LRRC75A: variants seen among roughly 807,000 people sequenced by gnomAD.
The protein encoded by LRRC75A is leucine-rich repeat-containing protein 75A.
LRRC75A carries 12 observed loss-of-function variants against 26.0 expected under a neutral mutation model. The ratio of observed to expected loss-of-function variants is 0.46; its 90% CI spans 0.30 to 0.75. LRRC75A has a LOEUF of 0.75. LRRC75A is among the 30% of genes least tolerant of loss of function. The probability of loss-of-function intolerance (pLI) is 0.08; values close to 1 mark genes in which losing one functional copy is unlikely to be tolerated. For synonymous variants in LRRC75A, 223 were observed against 219.3 expected (o/e 1.02, Z -0.15); for missense variants, 410 against 486.6 (o/e 0.84, Z 1.48).
chr17:16,453,075 G>A (rs1214532493), intron 2 of LRRC75A, among the ~76,000 whole-genome samples: 1 of 152,098 alleles, frequency 6.6e-6, no homozygotes, highest in Non-Finnish European at 1.5e-5. Flanking sequence ...CGGATCACAA[G>A]GTCAGGAGTT....
At chr17:16,483,148 G>A (rs2093838499) in intron 1 of LRRC75A, among the ~76,000 whole-genome samples, 1 of 152,256 alleles carries the variant, frequency 6.6e-6, no homozygotes, top group African/African-American at 2.4e-5. Flanking sequence ...CATGTGGACA[G>A]CAGGTCCCAG....
intron 2 of LRRC75A, among the ~76,000 whole-genome samples, chr17:16,454,448 T>C (rs1568958201): frequency 6.7e-6 from 1 of 149,186 alleles, no homozygotes; most frequent in Admixed American, 6.7e-5. Context: ...TCCCAGCACT[T>C]TGGGAGGCAG....
chr17:16,456,310 GAGGAAGAGGAGAAGA>G lies in LRRC75A; in HGVS notation c.375+5933_375+5947del, dbSNP rs1386631661. 3.2e-4 allele frequency among the ~76,000 whole-genome samples: 38 copies of G among 119,252 alleles called. 1 individual carries two copies. Among genetic ancestry groups the G allele is most frequent in the South Asian group, 2.6e-4 (1 of 3,912 alleles). 78.2% of individuals were successfully genotyped at this position (119,252 alleles called of 152,430 possible). A position where few individuals can be genotyped will look rare whatever the true frequency, so the allele number is the denominator to read the frequency against. On this transcript the variant is annotated intron_variant, in intron 2 of 3. Transcript: ENST00000470794. ...GGAGGAAGAGAAGGAAGAGGAGGAG[GAGGAAGAGGAGAAGA>G]AGGAAGAGGAGGAGGAAGAGAAGGA...
intron 1 of LRRC75A, among the ~76,000 whole-genome samples, chr17:16,474,990 C>A (rs1181252955): frequency 9.1e-5 from 13 of 143,394 alleles, no homozygotes; most frequent in African/African-American, 3.6e-4. Context: ...TGCAAGACTC[C>A]GTCTCAAAAA....
chr17:16,474,171 T>G (rs200143525), intron 1 of LRRC75A, among the ~76,000 whole-genome samples: 2 of 151,870 alleles, frequency 1.3e-5, no homozygotes, highest in African/African-American at 4.8e-5. Context: ...TGGCTGACGG[T>G]GGGGGACAGA....
chr17:16,484,476 C>T (rs1177491931), intron 1 of LRRC75A, among the ~76,000 whole-genome samples: 1 of 152,124 alleles, frequency 6.6e-6, no homozygotes, highest in Non-Finnish European at 1.5e-5. Flanking sequence ...CTCTCCTGCC[C>T]AAGGCACGGC....
At chr17:16,470,165 G>C (rs1304024546) in intron 1 of LRRC75A, 1 of 151,996 alleles carries the variant, frequency 6.6e-6, no homozygotes, top group Non-Finnish European at 1.5e-5. Context: ...AAAGCTAGGG[G>C]AAGCCACAGA....
At chr17:16,479,891 AAGCCAC>A (rs1166334738) in intron 1 of LRRC75A, among the ~76,000 whole-genome samples, 1 of 152,226 alleles carries the variant, frequency 6.6e-6, no homozygotes, top group Non-Finnish European at 1.5e-5. Context: ...CCAAACCCCC[AAGCCAC>A]AGACCAGTAC....
intron 1 of LRRC75A, among the ~76,000 whole-genome samples, chr17:16,474,915 C>G (rs528051289): frequency 1.4e-4 from 21 of 151,440 alleles, no homozygotes; most frequent in African/African-American, 5.1e-4. Flanking sequence ...ATGGCGTGAA[C>G]CCAGGAGGCG....
intron 2 of LRRC75A, among the ~76,000 whole-genome samples, chr17:16,458,860 C>T (rs2093705971): frequency 6.6e-6 from 1 of 151,974 alleles, no homozygotes; most frequent in Non-Finnish European, 1.5e-5. Flanking sequence ...CTTAAGCGGC[C>T]CCTGCAAACC....
At chr17:16,471,842 A>T (rs2093807319) in intron 1 of LRRC75A, among the ~76,000 whole-genome samples, 1 of 152,236 alleles carries the variant, frequency 6.6e-6, no homozygotes, top group Non-Finnish European at 1.5e-5. Context: ...GTGAGGGACC[A>T]AGAGTATCTA....
chr17:16,484,501 T>C (rs538877450), intron 1 of LRRC75A, among the ~76,000 whole-genome samples: 2 of 152,052 alleles, frequency 1.3e-5, no homozygotes, highest in African/African-American at 4.8e-5. Flanking sequence ...ACTCAGACAA[T>C]CAAATCGAGC....
intron 1 of LRRC75A, among the ~76,000 whole-genome samples, chr17:16,486,607 ACT>A (rs2093847627): frequency 6.6e-6 from 1 of 152,020 alleles, no homozygotes; most frequent in Non-Finnish European, 1.5e-5. Flanking sequence ...TGGAGGCCAG[ACT>A]CTCCCATCAG....
At chr17:16,466,792 G>C (rs910749111) in intron 1 of LRRC75A, among the ~76,000 whole-genome samples, 1 of 152,204 alleles carries the variant, frequency 6.6e-6, no homozygotes, top group African/African-American at 2.4e-5. Context: ...TGATGGGCTT[G>C]GGAATAGGGG....
chr17:16,486,161 T>C (rs2093846734), intron 1 of LRRC75A, among the ~76,000 whole-genome samples: 1 of 152,028 alleles, frequency 6.6e-6, no homozygotes, highest in South Asian at 2.1e-4. Flanking sequence ...AAAGCACGCA[T>C]GGCAATGAAA....
In LRRC75A at chr17:16,492,140, G is replaced by GGGCC; in HGVS notation, c.-151_-150insGGCC. The GGGCC allele has an allele frequency of 1.7e-6, 1 of 600,806 alleles. No homozygotes were observed. Among genetic ancestry groups the GGGCC allele is most frequent in the South Asian group, 7.3e-5 (1 of 13,628 alleles). 37.2% of individuals were successfully genotyped at this position (600,806 alleles called of 1,614,324 possible). A position where few individuals can be genotyped will look rare whatever the true frequency, so the allele number is the denominator to read the frequency against. ...GCGGGCGTCGCGGGGGCGGGCGGGC[G>GGGCC]GGCGGCTGTCGGCGCTCCCCGCGCT... On this transcript the variant is annotated 5_prime_UTR_variant, in exon 1 of 4. Coordinates refer to ENST00000470794, the MANE Select transcript of LRRC75A (RefSeq NM_001113567.3).
intron 1 of LRRC75A, among the ~76,000 whole-genome samples, chr17:16,488,738 A>G (rs767556144): frequency 2.2e-4 from 33 of 152,226 alleles, no homozygotes; most frequent in Middle Eastern, 3.2e-3. Context: ...GCTGCCTGGC[A>G]TCCTGCCTGC....
intron 3 of LRRC75A, chr17:16,446,958 C>A (rs1395528447): frequency 8.0e-6 from 3 of 373,768 alleles, no homozygotes; most frequent in East Asian, 9.7e-5. Flanking sequence ...GGGTCCAGAA[C>A]AGAAGGAGGC....
chr17:16,447,824 G>T (rs1195825061), intron 3 of LRRC75A, 21 bp downstream of exon 3: 5 of 1,513,404 alleles, frequency 3.3e-6, no homozygotes, highest in African/African-American at 1.4e-5. Context: ...GCATAGACCT[G>T]CCCGGGGGAG....
Sources: gnomAD v4.1 joint callset for allele counts (sites outside exome capture counted in the v4.1 genomes callset) on GRCh38, gnomAD v4.1.1 for gene constraint, MANE v1.5 for transcripts, NCBI Gene and HGNC (gene_info 2026-07-23, HGNC 2026-07-21) for gene names.